FSTL5: variants seen among roughly 807,000 people sequenced by gnomAD.
The protein encoded by FSTL5 is follistatin like 5.
Under a neutral mutation model 89.1 loss-of-function variants are expected in FSTL5, and 62 were observed. The observed-to-expected ratio is 0.70, with a 90% CI of 0.57 to 0.86. FSTL5 has a LOEUF of 0.86. FSTL5 is among the 40% of genes least tolerant of loss of function. The pLI, the probability that FSTL5 is intolerant of heterozygous loss-of-function variation, is 0.00. For missense variants in FSTL5, 1,057 were observed against 1,001.6 expected, an observed-to-expected ratio of 1.06 and a Z score of -0.75; for synonymous variants, 383 against 346.2, an observed-to-expected ratio of 1.11 and a Z score of -1.18.
rs1553965825 is a variant in FSTL5 at position 161,784,895 on chromosome 4, A to AAAAAAAAAAAAAAAC, written c.410-8822_410-8821insGTTTTTTTTTTTTTT. On this transcript the variant is annotated intron_variant, in intron 4 of 15. Transcript: ENST00000306100. The stretch of plus-strand genomic sequence containing the variant: ...GCGACAGAGCAAGACTCCGTCTCAA[A>AAAAAAAAAAAAAAAC]AAAAACAAAAACAAACAAACAAAAA... Among the ~76,000 whole-genome samples the AAAAAAAAAAAAAAAC allele has an allele frequency of 4.2e-5, 6 of 142,016 alleles. 1 individual carries two copies. The highest frequency in any genetic ancestry group is 3.5e-3 in the Middle Eastern group (1 of 282). 93.2% of individuals were successfully genotyped at this position (142,016 alleles called of 152,430 possible).
chr4:161,791,323 C>A (rs372635969), intron 4 of FSTL5, among the ~76,000 whole-genome samples: 104 of 152,244 alleles, frequency 6.8e-4, no homozygotes, highest in African/African-American at 2.3e-3. Flanking sequence ...ACTTGTTTTT[C>A]TCCCTTTGTT....
intron 2 of FSTL5, among the ~76,000 whole-genome samples, chr4:162,053,040 G>A (rs1413178480): frequency 1.3e-5 from 2 of 151,778 alleles, no homozygotes; most frequent in Non-Finnish European, 3.0e-5. Context: ...TGGAATGGTT[G>A]ATAAATAGTT....
chr4:161,440,457 C>A (rs1363898081), intron 15 of FSTL5, among the ~76,000 whole-genome samples: 3 of 152,038 alleles, frequency 2.0e-5, no homozygotes, highest in Non-Finnish European at 4.4e-5. Context: ...TGTGATATCT[C>A]CCACAACAGA....
intron 2 of FSTL5, among the ~76,000 whole-genome samples, chr4:162,110,821 T>C (rs1310281884): frequency 6.6e-6 from 1 of 151,874 alleles, no homozygotes; most frequent in African/African-American, 2.4e-5. Context: ...AAAATTTCTA[T>C]GGAAAGAAAT....
chr4:161,619,008 C>G (rs1295994748), intron 7 of FSTL5, among the ~76,000 whole-genome samples: 1 of 152,258 alleles, frequency 6.6e-6, no homozygotes, highest in Admixed American at 6.5e-5. Context: ...ATCAATGGAA[C>G]AGAACAGAGC....
At chr4:162,127,217 T>C (rs888184134) in intron 1 of FSTL5, among the ~76,000 whole-genome samples, 5 of 152,212 alleles carry the variant, frequency 3.3e-5, no homozygotes, top group Non-Finnish European at 7.3e-5. Flanking sequence ...TCGGAAACCC[T>C]TGACTTTTGC....
intron 3 of FSTL5, among the ~76,000 whole-genome samples, chr4:161,984,528 G>T (rs1735909687): frequency 6.6e-6 from 1 of 152,032 alleles, no homozygotes; most frequent in Non-Finnish European, 1.5e-5. Context: ...TTAAGATCAG[G>T]TTTCTATAAT....
chr4:161,436,032 A>T (rs1732547994), intron 15 of FSTL5, among the ~76,000 whole-genome samples: 1 of 152,136 alleles, frequency 6.6e-6, no homozygotes, highest in African/African-American at 2.4e-5. Context: ...ATTGGCTGAC[A>T]ATCTATTACT....
intron 6 of FSTL5, among the ~76,000 whole-genome samples, chr4:161,748,680 C>A (rs1317814870): frequency 8.2e-6 from 1 of 121,898 alleles, no homozygotes; most frequent in Non-Finnish European, 1.7e-5. Context: ...TGGCGAATTT[C>A]TTTTAAGGAA....
chr4:162,053,179 C>A (rs1021143576), intron 2 of FSTL5, among the ~76,000 whole-genome samples: 3 of 151,484 alleles, frequency 2.0e-5, no homozygotes, highest in African/African-American at 7.3e-5. Context: ...TTTTGGCCAA[C>A]GGAAACAACA....
At chr4:161,660,023 A>G (rs1736651303) in intron 6 of FSTL5, among the ~76,000 whole-genome samples, 1 of 152,218 alleles carries the variant, frequency 6.6e-6, no homozygotes, top group Admixed American at 6.5e-5. Context: ...ATATAGGCTA[A>G]GTGTAACATA....
intron 14 of FSTL5, among the ~76,000 whole-genome samples, chr4:161,457,548 T>C (rs1733400497): frequency 6.6e-6 from 1 of 152,096 alleles, no homozygotes. Flanking sequence ...GCTGGGAAAG[T>C]TGTTAATCTA....
intron 4 of FSTL5, among the ~76,000 whole-genome samples, chr4:161,823,564 G>T (rs1247158180): frequency 2.0e-5 from 3 of 152,236 alleles, no homozygotes; most frequent in Non-Finnish European, 4.4e-5. Flanking sequence ...TTCTGAGCCT[G>T]AAGGGGAAGG....
intron 3 of FSTL5, among the ~76,000 whole-genome samples, chr4:161,995,575 G>A (rs771115796): frequency 6.6e-5 from 10 of 152,050 alleles, no homozygotes; most frequent in Non-Finnish European, 1.2e-4. Flanking sequence ...TTATTCATTT[G>A]TCAGTACCTA....
At chr4:161,983,010 C>A (rs913125471) in intron 3 of FSTL5, among the ~76,000 whole-genome samples, 63 of 151,936 alleles carry the variant, frequency 4.1e-4, no homozygotes, top group Non-Finnish European at 4.4e-5. Context: ...TTTAAATCTT[C>A]AAAAAAATGA....
intron 7 of FSTL5, among the ~76,000 whole-genome samples, chr4:161,649,072 G>A (rs1223286690): frequency 6.6e-6 from 1 of 152,060 alleles, no homozygotes; most frequent in Non-Finnish European, 1.5e-5. Context: ...AAATTCTAAT[G>A]CAAACTATAT....
chr4:161,503,336 A>G (rs1486956540), intron 11 of FSTL5, among the ~76,000 whole-genome samples: 2 of 151,834 alleles, frequency 1.3e-5, no homozygotes, highest in Non-Finnish European at 3.0e-5. Context: ...GACTTTGATA[A>G]CTATTCTCAT....
chr4:161,500,192 C>T, intron 11 of FSTL5, 58 bp from the exon 12 acceptor site: 1 of 1,173,202 alleles, frequency 8.5e-7, no homozygotes, highest in East Asian at 2.5e-5. Flanking sequence ...ACCTTTACAA[C>T]CAAAATTCAG....
intron 6 of FSTL5, among the ~76,000 whole-genome samples, chr4:161,721,533 A>G (rs950622155): frequency 3.9e-5 from 6 of 152,258 alleles, no homozygotes; most frequent in Non-Finnish European, 8.8e-5. Flanking sequence ...AATGTCAGTC[A>G]TACATGAAAA....
Sources: allele counts gnomAD v4.1 joint callset (sites outside exome capture counted in the v4.1 genomes callset), GRCh38; gene constraint gnomAD v4.1.1; transcripts MANE v1.5; gene names NCBI Gene and HGNC (gene_info 2026-07-23, HGNC 2026-07-21).